The following ACO2 variants were observed in gnomAD, a reference collection of about 807,000 sequenced individuals.
ACO2 encodes the protein aconitase 2.
In ACO2, 31 loss-of-function variants were observed where a neutral mutation model predicts 84.5. The observed-to-expected ratio is 0.37, with a 90% confidence interval of 0.28 to 0.50. The LOEUF (loss-of-function observed/expected upper bound fraction) is 0.50, where lower values mean the gene tolerates loss of function less well. ACO2 is among the 20% of genes least tolerant of loss of function. The pLI, the probability that ACO2 is intolerant of heterozygous loss-of-function variation, is 0.97. For missense variants in ACO2, 685 were observed against 1,029.3 expected, an observed-to-expected ratio of 0.67 and a Z score of 4.58; for synonymous variants, 414 against 412.7, an observed-to-expected ratio of 1.00 and a Z score of -0.04.
At chr22:41,492,541 A>G (rs926658529) in intron 1 of ACO2, among the ~76,000 whole-genome samples, 7 of 152,234 alleles carry the variant, frequency 4.6e-5, no homozygotes, top group African/African-American at 1.7e-4. Flanking sequence ...TGAGAGGCAG[A>G]GGCAGGCAGA....
At chr22:41,518,870 C>T (rs549508724) in intron 8 of ACO2, among the ~76,000 whole-genome samples, 28 of 152,272 alleles carry the variant, frequency 1.8e-4, no homozygotes, top group African/African-American at 4.8e-4. Context: ...CGCTTGAACC[C>T]GGGACGCAGA....
chr22:41,505,492 G>C (rs961079404), intron 2 of ACO2, among the ~76,000 whole-genome samples: 2 of 151,988 alleles, frequency 1.3e-5, no homozygotes, highest in East Asian at 3.9e-4. Flanking sequence ...CCCTATTCCA[G>C]ATTCCAGGTG....
At chr22:41,478,740 C>A (rs559414119) in intron 1 of ACO2, among the ~76,000 whole-genome samples, 2 of 151,316 alleles carry the variant, frequency 1.3e-5, no homozygotes, top group Admixed American at 6.6e-5. Flanking sequence ...TTAAAACCCC[C>A]GCCCTGTCCC....
chr22:41,496,152 G>A (rs1425051802), intron 1 of ACO2, among the ~76,000 whole-genome samples: 2 of 151,538 alleles, frequency 1.3e-5, no homozygotes, highest in African/African-American at 4.8e-5. Flanking sequence ...TCTCCACCAA[G>A]AAAGTACAAA....
intron 1 of ACO2, among the ~76,000 whole-genome samples, chr22:41,479,849 T>A (rs1036651288): frequency 2.8e-4 from 42 of 152,312 alleles, no homozygotes; most frequent in Admixed American, 2.0e-3. Flanking sequence ...AGTGTACGAC[T>A]GATGTAGGCA....
intron 7 of ACO2, 25 bp downstream of exon 7, chr22:41,517,656 G>A: frequency 6.3e-7 from 1 of 1,599,842 alleles, no homozygotes; most frequent in Non-Finnish European, 8.6e-7. Flanking sequence ...GCAGGCCCGT[G>A]TGGGTGGAAC....
chr22:41,511,236 G>A (rs971606936), intron 3 of ACO2, among the ~76,000 whole-genome samples: 3 of 152,178 alleles, frequency 2.0e-5, no homozygotes, highest in East Asian at 1.9e-4. Context: ...GCAGTGGCAC[G>A]ATCTCGGCTC....
intron 1 of ACO2, among the ~76,000 whole-genome samples, chr22:41,469,971 T>G (rs2037923612): frequency 6.6e-6 from 1 of 152,148 alleles, no homozygotes. Flanking sequence ...TCACAGAACT[T>G]TATGAACCAC....
At chr22:41,469,672 C>T (rs192744898) in intron 1 of ACO2, among the ~76,000 whole-genome samples, 173 of 152,198 alleles carry the variant, frequency 1.1e-3, no homozygotes, top group Non-Finnish European at 1.0e-3. Flanking sequence ...CTTTTGAGGA[C>T]CCTGCGGAAC....
At chr22:41,527,569 C>A in intron 16 of ACO2, 149 bp downstream of exon 16, 1 of 1,122,950 alleles carries the variant, frequency 8.9e-7, no homozygotes, top group Non-Finnish European at 1.2e-6. Flanking sequence ...CTTAGGCTCA[C>A]ACAGTGCACA....
chr22:41,495,765 C>T (rs1414772761), intron 1 of ACO2, among the ~76,000 whole-genome samples: 5 of 151,576 alleles, frequency 3.3e-5, no homozygotes, highest in South Asian at 2.1e-4. Context: ...GGGCTACAGG[C>T]GCCCGCCACC....
intron 11 of ACO2, among the ~76,000 whole-genome samples, chr22:41,523,521 C>T (rs753317907): frequency 1.3e-5 from 2 of 152,202 alleles, no homozygotes; most frequent in Non-Finnish European, 2.9e-5. Context: ...AGGAAGCCAG[C>T]GCGGCCTCAC....
chr22:41,528,413 C>A, intron 17 of ACO2, 66 bp from the exon 18 acceptor site: 1 of 1,576,598 alleles, frequency 6.3e-7, no homozygotes. Flanking sequence ...GTCTCCCTGA[C>A]CCCCCTGCGG....
chr22:41,507,801 C>A lies in ACO2; in HGVS notation c.184C>A (p.Pro62Thr), dbSNP rs2066404791. The A allele has an allele frequency of 6.2e-7, 1 of 1,613,682 alleles. No homozygotes were observed. The highest frequency in any genetic ancestry group is 8.5e-7 in the Non-Finnish European group (1 of 1,179,792). Residue 62 changes from proline to threonine, a missense_variant, in exon 3 of 18, where the codon CCG becomes ACG. Coordinates refer to ENST00000216254, the MANE Select transcript of ACO2 (RefSeq NM_001098.3). ...CTCTTCTCCCCACAGACTGAACCGGCCGCTGACACTCTCGGAGAAGATTGT... is the reference window on the plus strand; with the variant it reads ...CTCTTCTCCCCACAGACTGAACCGGACGCTGACACTCTCGGAGAAGATTGT... The part of the protein sequence containing the change: ...INIVRKRLNR[P>T]LTLSEKIVYG...
Position 41,527,957 on chromosome 22 carries a change from T to A in ACO2, c.2143T>A (p.Tyr715Asn). 1.2e-6 allele frequency: 2 copies of A among 1,614,130 alleles called. No individual in the cohort carries two copies. Among genetic ancestry groups the A allele is most frequent in the Non-Finnish European group, 1.7e-6 (2 of 1,180,008 alleles). The change falls in exon 17 of 18, where the codon TAC (tyrosine) becomes AAC (asparagine). Residue 715 changes from tyrosine to asparagine, a missense_variant. Around this residue, in one of 5 missense-constraint regions of ACO2, gnomAD observed 174 missense variants for 236.6 expected, o/e 0.74. Transcript: ENST00000216254. Reference protein sequence around the residue: ...LPLTFADPADYNKIHPVDKLT... With the variant: ...LPLTFADPADNNKIHPVDKLT... The stretch of plus-strand genomic sequence containing the variant: ...TCTGACCTTCGCTGACCCGGCTGAC[T>A]ACAACAAGATTCACCCTGTGGACAA...
At chr22:41,508,177 A>G (rs2066408484) in intron 3 of ACO2, 128 bp downstream of exon 3, 1 of 1,238,912 alleles carries the variant, frequency 8.1e-7, no homozygotes, top group Admixed American at 2.6e-5. Flanking sequence ...TCTGCTTTTA[A>G]AACTTGATTT....
At chr22:41,486,296 C>T (rs746250468) in intron 1 of ACO2, among the ~76,000 whole-genome samples, 5 of 151,888 alleles carry the variant, frequency 3.3e-5, no homozygotes, top group Admixed American at 6.6e-5. Flanking sequence ...TACTGTCAAC[C>T]TCTTCTTTTT....
chr22:41,480,516 GA>G (rs1362370872), intron 1 of ACO2, among the ~76,000 whole-genome samples: 2 of 152,070 alleles, frequency 1.3e-5, no homozygotes, highest in Non-Finnish European at 2.9e-5. Context: ...CGGCATAGTG[GA>G]AAAACATCTG....
rs1034127126 is a variant in ACO2, at chr22:41,528,711, T to C, written c.*98T>C. On this transcript the variant is annotated 3_prime_UTR_variant, in exon 18 of 18. Coordinates refer to ENST00000216254, the MANE Select transcript of ACO2 (RefSeq NM_001098.3). ...CCAGCCATGGCTTCCTATTCCAAGA[T>C]GGTGTGACCAGACATGCTTCCTGCT... The C allele has an allele frequency of 1.6e-5, 24 of 1,493,578 alleles. No individual in the cohort carries two copies. Among genetic ancestry groups the C allele is most frequent in the Non-Finnish European group, 2.1e-5 (23 of 1,115,268 alleles). 92.5% of individuals were successfully genotyped at this position (1,493,578 alleles called of 1,614,324 possible).
Sources: gnomAD v4.1 joint callset for allele counts (sites outside exome capture counted in the v4.1 genomes callset) on GRCh38, gnomAD v4.1.1 for gene constraint, gnomAD v4.1.1 regional missense constraint, MANE v1.5 for transcripts, NCBI Gene and HGNC (gene_info 2026-07-23, HGNC 2026-07-21) for gene names.